PIGK: variants seen among roughly 807,000 people sequenced by gnomAD.
PIGK encodes the protein phosphatidylinositol glycan anchor biosynthesis class K, also known as GPI-anchor transamidase.
In PIGK, 42 loss-of-function variants were observed where a neutral mutation model predicts 50.6. The observed-to-expected ratio is 0.83, with a 90% CI of 0.65 to 1.07. The LOEUF is 1.07. PIGK is among the 50% of genes least tolerant of loss of function. The pLI, the probability that PIGK is intolerant of heterozygous loss-of-function variation, is 0.00. For synonymous variants in PIGK, 151 were observed against 156.0 expected (o/e 0.97, Z 0.24); for missense variants, 448 against 488.7 (o/e 0.92, Z 0.78).
chr1:77,107,579 G>A lies in PIGK; in HGVS notation c.1071+14696C>T, dbSNP rs557984481. 1.0e-3 allele frequency among the ~76,000 whole-genome samples: 153 copies of A among 152,302 alleles called. 2 individuals carry two copies. Among genetic ancestry groups the A allele is most frequent in the African/African-American group, 3.5e-3 (144 of 41,578 alleles). ...ATGTATATTTTGTTGATTTGGGGTG[G>A]AGAGTTCTGTAGATGTCTATTAGGT... On this transcript the variant is annotated intron_variant, in intron 10 of 10. Coordinates refer to ENST00000370812, the MANE Select transcript of PIGK (RefSeq NM_005482.3).
At chr1:77,146,002 T>C (rs1654758613) in intron 9 of PIGK, among the ~76,000 whole-genome samples, 1 of 152,164 alleles carries the variant, frequency 6.6e-6, no homozygotes, top group Non-Finnish European at 1.5e-5. Flanking sequence ...TAAAAAATAC[T>C]GTAAATTGAA....
chr1:77,139,679 C>T (rs1460864042), intron 9 of PIGK, among the ~76,000 whole-genome samples: 1 of 152,116 alleles, frequency 6.6e-6, no homozygotes, highest in African/African-American at 2.4e-5. Context: ...TGGAAGAAGC[C>T]AGCAATGCTA....
At chr1:77,189,665 C>T (rs560019780) in intron 3 of PIGK, among the ~76,000 whole-genome samples, 236 of 136,404 alleles carry the variant, frequency 1.7e-3, no homozygotes, top group African/African-American at 6.3e-3. Context: ...ATTGTGGGAC[C>T]TTGTGATTGT....
At chr1:77,145,958 T>C (rs1654757682) in intron 9 of PIGK, among the ~76,000 whole-genome samples, 1 of 152,168 alleles carries the variant, frequency 6.6e-6, no homozygotes, top group South Asian at 2.1e-4. Flanking sequence ...GCTCAACTTA[T>C]GATGGAGTTA....
At position 77,154,514 on chromosome 1, in the gene PIGK, T is replaced by C. The variant is rs764775515; in HGVS notation, c.921A>G (p.Val307=). 1.2e-6 allele frequency: 2 copies of C among 1,611,994 alleles called. No homozygotes were observed. The highest frequency in any genetic ancestry group is 2.2e-5 in the East Asian group (1 of 44,832). Residue 307 remains valine (V), a synonymous_variant, in exon 9 of 11, where the codon GTA becomes GTG. Transcript: ENST00000370812. ...NVLITDFFGS[V]RKVEITTETI... ...TCTCTGTTGTAATTTCCACTTTCCG[T>C]ACACTTCCAAAGAAATCAGTTATCA...
At chr1:77,206,534 T>TA in intron 3 of PIGK, 106 bp downstream of exon 3, 1 of 688,888 alleles carries the variant, frequency 1.5e-6, no homozygotes, top group Non-Finnish European at 2.5e-6. Context: ...AATCAGATTT[T>TA]TTTTTTTACC....
chr1:77,137,985 T>C (rs1380615846), intron 9 of PIGK, among the ~76,000 whole-genome samples: 3 of 152,234 alleles, frequency 2.0e-5, no homozygotes, highest in Non-Finnish European at 4.4e-5. Flanking sequence ...CTTGTAGGTC[T>C]AATTCTCCTG....
intron 3 of PIGK, among the ~76,000 whole-genome samples, chr1:77,185,538 T>A (rs780343650): frequency 3.3e-5 from 5 of 152,148 alleles, no homozygotes; most frequent in Non-Finnish European, 7.4e-5. Context: ...TGGCCCCTCC[T>A]ACCACCAAGA....
At position 77,092,131 on chromosome 1, in the gene PIGK, G is replaced by A. The variant is rs1653314737; in HGVS notation, c.*243C>T. ...TTTTCAAAAACAGTCAATGTATTCT[G>A]ATCTCTGTCTCATTCGCTTTTATAA... On this transcript the variant is annotated 3_prime_UTR_variant, in exon 11 of 11. Coordinates refer to ENST00000370812, the MANE Select transcript of PIGK (RefSeq NM_005482.3). 4.0e-6 allele frequency: 1 copy of A among 250,076 alleles called. No homozygotes were observed. The highest frequency in any genetic ancestry group is 9.0e-5 in the South Asian group (1 of 11,084). 15.5% of individuals were successfully genotyped at this position (250,076 alleles called of 1,614,324 possible).
rs1433035131 is a variant in PIGK at position 77,206,646 on chromosome 1, G to A, written c.233C>T (p.Pro78Leu). Residue 78 changes from proline (P) to leucine (L), a missense_variant, in exon 3 of 11, where the codon CCT becomes CTT. Coordinates refer to ENST00000370812, the MANE Select transcript of PIGK (RefSeq NM_005482.3). ...CTTTATTAAGGCTTCTTACCTGTCA[G>A]GAATACCTAGCCTCTTGACACTTCT... ...VYRSVKRLGI[P>L]DSHIVLMLAD... 3 of 1,577,724 alleles carry A rather than the reference G, an allele frequency of 1.9e-6. No homozygotes were observed. Among genetic ancestry groups the A allele is most frequent in the Non-Finnish European group, 2.6e-6 (3 of 1,147,728 alleles).
chr1:77,170,198 C>T (rs1245360039), intron 3 of PIGK, among the ~76,000 whole-genome samples: 1 of 152,166 alleles, frequency 6.6e-6, no homozygotes, highest in African/African-American at 2.4e-5. Context: ...TATTTTTGTT[C>T]ACCTGCAGTT....
intron 10 of PIGK, among the ~76,000 whole-genome samples, chr1:77,121,416 AT>A (rs1290265043): frequency 6.6e-6 from 1 of 152,190 alleles, no homozygotes; most frequent in Non-Finnish European, 1.5e-5. Flanking sequence ...TATAGCCAAC[AT>A]TTTAAAGTAA....
At chr1:77,120,925 TCA>T (rs1346961403) in intron 10 of PIGK, among the ~76,000 whole-genome samples, 2 of 152,224 alleles carry the variant, frequency 1.3e-5, no homozygotes, top group East Asian at 1.9e-4. Context: ...ATCTTGGAAT[TCA>T]CACAGTGTAT....
rs569544095 is a variant in PIGK, at chr1:77,129,313, T to C, written c.987-6954A>G. On this transcript the variant is annotated intron_variant, in intron 9 of 10. Transcript: ENST00000370812. ...CCATTCCGACGTTACAATGGTGGAG[T>C]TGGCAGGTGTGCGCAGGCCAAGCAG... The C allele has an allele frequency of 4.7e-5, 75 of 1,596,642 alleles. 1 individual carries two copies. The highest frequency in any genetic ancestry group is 3.3e-4 in the South Asian group (30 of 90,612).
intron 10 of PIGK, among the ~76,000 whole-genome samples, chr1:77,117,925 A>G (rs184108235): frequency 6.6e-6 from 1 of 152,324 alleles, no homozygotes; most frequent in East Asian, 1.9e-4. Flanking sequence ...ATTTATGCCA[A>G]TTTATACTCT....
intron 10 of PIGK, among the ~76,000 whole-genome samples, chr1:77,105,866 T>G (rs994743361): frequency 2.0e-5 from 3 of 152,202 alleles, no homozygotes; most frequent in African/African-American, 7.2e-5. Flanking sequence ...AAGTTTGTAG[T>G]TCCTTGCTAC....
chr1:77,116,696 A>G, intron 10 of PIGK, among the ~76,000 whole-genome samples: 1 of 151,944 alleles, frequency 6.6e-6, no homozygotes, highest in East Asian at 1.9e-4. Context: ...AGGACCAAGA[A>G]CAGAGAGACT....
At chr1:77,191,532 TAC>T (rs1365179829) in intron 3 of PIGK, among the ~76,000 whole-genome samples, 1 of 152,216 alleles carries the variant, frequency 6.6e-6, no homozygotes, top group Non-Finnish European at 1.5e-5. Flanking sequence ...TCCTGAATTA[TAC>T]ATTTTGCCTA....
intron 10 of PIGK, 121 bp from the exon 11 acceptor site, chr1:77,092,611 C>T (rs1175881184): frequency 1.5e-6 from 1 of 655,220 alleles, no homozygotes; most frequent in Non-Finnish European, 2.7e-6. Flanking sequence ...ACTAGTTAGT[C>T]AAATTAAACA....
Sources: gnomAD v4.1 joint callset for allele counts (sites outside exome capture counted in the v4.1 genomes callset) on GRCh38, gnomAD v4.1.1 for gene constraint, MANE v1.5 for transcripts, NCBI Gene and HGNC (gene_info 2026-07-23, HGNC 2026-07-21) for gene names.